MAGI2: variants seen among roughly 807,000 people sequenced by gnomAD.
The protein encoded by MAGI2 is membrane associated guanylate kinase, WW and PDZ domain containing 2, also known as membrane-associated guanylate kinase, WW and PDZ domain-containing protein 2.
Under a neutral mutation model 133.3 loss-of-function variants are expected in MAGI2, and 35 were observed. The ratio of observed to expected loss-of-function variants is 0.26; its 90% CI spans 0.20 to 0.35. MAGI2 has a LOEUF of 0.35. Among genes scored for constraint, MAGI2 ranks in the 10% least tolerant of loss-of-function variants. The probability of loss-of-function intolerance (pLI) is 1.00; values close to 1 mark genes in which losing one functional copy is unlikely to be tolerated. For synonymous variants in MAGI2, 729 were observed against 710.6 expected (o/e 1.03, Z -0.41); for missense variants, 1,636 against 1,863.4 (o/e 0.88, Z 2.25).
intron 2 of MAGI2, among the ~76,000 whole-genome samples, chr7:78,801,928 T>C (rs1475237936): frequency 6.6e-6 from 1 of 152,174 alleles, no homozygotes; most frequent in East Asian, 1.9e-4. Flanking sequence ...CCAAATACTA[T>C]GAAATGCACC....
chr7:78,698,243 C>T (rs1241445582), intron 2 of MAGI2, among the ~76,000 whole-genome samples: 10 of 152,156 alleles, frequency 6.6e-5, no homozygotes, highest in Non-Finnish European at 1.5e-4. Context: ...TGATATTATA[C>T]TGGTTGATCA....
At chr7:79,284,266 T>G (rs1429594054) in intron 1 of MAGI2, among the ~76,000 whole-genome samples, 1 of 152,090 alleles carries the variant, frequency 6.6e-6, no homozygotes, top group Admixed American at 6.6e-5. Context: ...GTCTCCTCCA[T>G]GATAGCTGGA....
At chr7:78,872,571 TAGTCCCGTTTATATCAGGAATAAGACA>T (rs542561088) in intron 2 of MAGI2, among the ~76,000 whole-genome samples, 3,801 of 151,816 alleles carry the variant, frequency 0.025, 73 homozygotes, top group Middle Eastern at 0.048. Context: ...ATATTAGTGA[TAGTCCCGTTTATATCAGGAATAAGACA>T]AGGGTAACTG....
chr7:78,573,365 A>AATATATAC (rs1554481781), intron 3 of MAGI2, among the ~76,000 whole-genome samples: 1 of 29,048 alleles, frequency 3.4e-5, no homozygotes, highest in African/African-American at 1.8e-4. Context: ...GAATCCTGGA[A>AATATATAC]ATATATATAT....
At position 78,715,987 on chromosome 7, in the gene MAGI2, C is replaced by T. The variant is rs1008348422; in HGVS notation, c.419-88748G>A. Among the ~76,000 whole-genome samples, 5 of 151,758 alleles carry T rather than the reference C, an allele frequency of 3.3e-5. No individual in the cohort carries two copies. The East Asian group carries it at 9.7e-4, about 29-fold the overall frequency. On this transcript the variant is annotated intron_variant, in intron 2 of 21. Coordinates refer to ENST00000354212, the MANE Select transcript of MAGI2 (RefSeq NM_012301.4). ...AGAAAATGGAGATTCAACACTCATA[C>T]CTAAAACCAAATTGCCCTTCACGTG...
At chr7:79,020,111 A>C (rs1478821054) in intron 1 of MAGI2, among the ~76,000 whole-genome samples, 2 of 152,152 alleles carry the variant, frequency 1.3e-5, no homozygotes, top group East Asian at 3.9e-4. Context: ...AGGTAGTCTC[A>C]GTTGGAGATG....
At chr7:78,577,223 CTA>C (rs886186798) in intron 3 of MAGI2, among the ~76,000 whole-genome samples, 2 of 152,012 alleles carry the variant, frequency 1.3e-5, no homozygotes, top group East Asian at 1.9e-4. Context: ...TGGAAAATAA[CTA>C]AAATTCTAAA....
intron 2 of MAGI2, among the ~76,000 whole-genome samples, chr7:78,977,726 C>G (rs1333225143): frequency 6.6e-6 from 1 of 151,614 alleles, no homozygotes; most frequent in African/African-American, 2.4e-5. Context: ...ATGAAAGACA[C>G]TGCTGAGGAT....
chr7:79,426,215 C>A (rs575985381), intron 1 of MAGI2, among the ~76,000 whole-genome samples: 1 of 152,250 alleles, frequency 6.6e-6, no homozygotes, highest in South Asian at 2.1e-4. Context: ...AGCATTCAGA[C>A]AATTTGGTTG....
chr7:78,521,820 ATT>A (rs1309500493), intron 3 of MAGI2, among the ~76,000 whole-genome samples, 175 bp from the exon 4 acceptor site: 2 of 152,090 alleles, frequency 1.3e-5, no homozygotes, highest in Non-Finnish European at 1.5e-5. Context: ...ATATATACAT[ATT>A]TATTTGTTCC....
intron 1 of MAGI2, among the ~76,000 whole-genome samples, chr7:79,352,567 C>T (rs1230658373): frequency 1.3e-5 from 2 of 152,224 alleles, no homozygotes; most frequent in African/African-American, 4.8e-5. Flanking sequence ...TGCAATCTGG[C>T]TGTAAGCCCC....
chr7:79,404,524 A>G (rs1024707053), intron 1 of MAGI2, among the ~76,000 whole-genome samples: 5 of 152,142 alleles, frequency 3.3e-5, no homozygotes, highest in African/African-American at 1.2e-4. Context: ...CTTGAGTTAT[A>G]TGAATACATT....
intron 1 of MAGI2, among the ~76,000 whole-genome samples, chr7:79,036,873 T>A (rs1336854936): frequency 6.6e-6 from 1 of 152,210 alleles, no homozygotes; most frequent in African/African-American, 2.4e-5. Context: ...ATTGAGTCGA[T>A]TTTAACAAAT....
chr7:78,580,895 C>A (rs1802767071), intron 3 of MAGI2, among the ~76,000 whole-genome samples: 1 of 152,142 alleles, frequency 6.6e-6, no homozygotes, highest in Non-Finnish European at 1.5e-5. Context: ...CATCCCACAC[C>A]CTTCCCCATC....
At chr7:78,040,024 G>C (rs1167525596) in intron 21 of MAGI2, among the ~76,000 whole-genome samples, 1 of 152,190 alleles carries the variant, frequency 6.6e-6, no homozygotes, top group South Asian at 2.1e-4. Context: ...TGTGTGGGTA[G>C]AGTCACTTAG....
At chr7:78,436,655 C>G (rs535453739) in intron 6 of MAGI2, among the ~76,000 whole-genome samples, 4 of 152,262 alleles carry the variant, frequency 2.6e-5, no homozygotes, top group Middle Eastern at 3.4e-3. Flanking sequence ...CCTGGTTGAT[C>G]CCATCTGGCA....
intron 2 of MAGI2, among the ~76,000 whole-genome samples, chr7:78,640,314 A>G (rs1277470460): frequency 6.6e-6 from 1 of 152,216 alleles, no homozygotes; most frequent in Non-Finnish European, 1.5e-5. Flanking sequence ...AAAAACAAAA[A>G]ACAAAAAGCA....
chr7:78,242,120 A>C (rs1447755061), intron 10 of MAGI2, among the ~76,000 whole-genome samples: 1 of 152,178 alleles, frequency 6.6e-6, no homozygotes, highest in Non-Finnish European at 1.5e-5. Flanking sequence ...TACCTTTCCC[A>C]GTCTCTTATG....
chr7:78,256,673 T>G, intron 9 of MAGI2, 92 bp from the exon 10 acceptor site: 2 of 1,073,052 alleles, frequency 1.9e-6, no homozygotes, highest in South Asian at 1.4e-5. Context: ...GTGAGAGGTG[T>G]TGTTTCTTAG....
Sources: gnomAD v4.1 joint callset for allele counts (sites outside exome capture counted in the v4.1 genomes callset) on GRCh38, gnomAD v4.1.1 for gene constraint, MANE v1.5 for transcripts, NCBI Gene and HGNC (gene_info 2026-07-23, HGNC 2026-07-21) for gene names.